C2CD5: variants seen among roughly 807,000 people sequenced by gnomAD.
C2CD5 encodes C2 domain-containing protein 5.
A neutral mutation model predicts 130.3 loss-of-function variants in C2CD5; 109 were observed. The observed-to-expected ratio is 0.84, with a 90% CI of 0.72 to 0.98. The LOEUF (loss-of-function observed/expected upper bound fraction) is 0.98, where lower values mean the gene tolerates loss of function less well. Ranked by LOEUF, C2CD5 falls within the 50% of genes least tolerant of loss-of-function variation. C2CD5 has a pLI of 0.00. For synonymous variants in C2CD5, 454 were observed against 429.2 expected, an observed-to-expected ratio of 1.06 and a Z score of -0.71; for missense variants, 996 against 1,261.8, an observed-to-expected ratio of 0.79 and a Z score of 3.19.
chr12:22,544,457 CCGTTGAG>C lies in C2CD5; in HGVS notation c.-174_-168del, dbSNP rs1416323008. 1.2e-5 allele frequency: 3 copies of C among 246,914 alleles called. No individual in the cohort carries two copies. The East Asian group carries it at 2.8e-4, about 23-fold the overall frequency. 15.3% of individuals were successfully genotyped at this position (246,914 alleles called of 1,614,324 possible). On this transcript the variant is annotated 5_prime_UTR_variant, in exon 1 of 27. An upstream open reading frame in the 5' UTR gains an earlier in-frame stop. Coordinates refer to ENST00000446597, the MANE Select transcript of C2CD5 (RefSeq NM_001286176.2). ...CGAAAAGCAAAACCCAGTCAGCATC[CCGTTGAG>C]CCTCTGCCGCCCCTGCTTGTCTCTC...
chr12:22,519,759 G>C (rs571389575), intron 7 of C2CD5, among the ~76,000 whole-genome samples: 83 of 152,174 alleles, frequency 5.5e-4, no homozygotes, highest in African/African-American at 1.5e-3. Flanking sequence ...AAGAATATGA[G>C]AGATGATGGC....
chr12:22,540,668 G>A (rs1952281541), intron 2 of C2CD5, among the ~76,000 whole-genome samples: 2 of 152,178 alleles, frequency 1.3e-5, no homozygotes, highest in Admixed American at 1.3e-4. Flanking sequence ...AGACCAGCCT[G>A]GCCAACATGG....
intron 3 of C2CD5, among the ~76,000 whole-genome samples, chr12:22,529,464 T>G (rs971476195): frequency 6.6e-6 from 1 of 152,152 alleles, no homozygotes; most frequent in Admixed American, 6.6e-5. Flanking sequence ...ATCCCTTCCC[T>G]GACATTAGGG....
intron 9 of C2CD5, among the ~76,000 whole-genome samples, chr12:22,512,250 G>T (rs750642968): frequency 1.3e-5 from 2 of 152,092 alleles, no homozygotes; most frequent in African/African-American, 2.4e-5. Flanking sequence ...AAAATAAATC[G>T]TACCAACCTC....
intron 12 of C2CD5, among the ~76,000 whole-genome samples, chr12:22,486,306 T>C (rs1945510044): frequency 6.6e-6 from 1 of 152,170 alleles, no homozygotes; most frequent in Non-Finnish European, 1.5e-5. Context: ...TCTCGTATCG[T>C]TGGTTCCTGA....
chr12:22,540,542 T>A (rs930652709), intron 2 of C2CD5, among the ~76,000 whole-genome samples: 1 of 152,214 alleles, frequency 6.6e-6, no homozygotes, highest in Non-Finnish European at 1.5e-5. Context: ...ATTATGGTCA[T>A]GAAAAAGTAC....
At chr12:22,534,087 C>T (rs6487310) in intron 3 of C2CD5, among the ~76,000 whole-genome samples, 23,949 of 152,126 alleles carry the variant, frequency 0.16, 3,793 homozygotes, top group African/African-American at 0.41. Context: ...ACTAGGGAGG[C>T]TGAGGCAGGA....
intron 2 of C2CD5, among the ~76,000 whole-genome samples, chr12:22,537,074 C>T (rs1951885826): frequency 1.3e-5 from 2 of 152,124 alleles, no homozygotes; most frequent in Non-Finnish European, 1.5e-5. Flanking sequence ...AGGGTTTTGG[C>T]TCAACTGCCA....
chr12:22,494,335 T>C (rs1406420839), intron 10 of C2CD5, among the ~76,000 whole-genome samples: 1 of 152,104 alleles, frequency 6.6e-6, no homozygotes, highest in Non-Finnish European at 1.5e-5. Flanking sequence ...AAAGCCACTA[T>C]TAAATCTAAA....
intron 2 of C2CD5, among the ~76,000 whole-genome samples, chr12:22,536,258 T>G (rs112529670): frequency 1.2e-4 from 18 of 151,572 alleles, no homozygotes; most frequent in African/African-American, 4.4e-4. Context: ...GCAGAAGAGG[T>G]TGGTTAAAGG....
At position 22,449,430 on chromosome 12, in the gene C2CD5, T is replaced by C. The variant is rs1157979203; in HGVS notation, c.*330A>G. 2 of 179,110 alleles carry C rather than the reference T, an allele frequency of 1.1e-5. No homozygotes were observed. The highest frequency in any genetic ancestry group is 4.7e-5 in the African/African-American group (2 of 42,476). 11.1% of individuals were successfully genotyped at this position (179,110 alleles called of 1,614,324 possible). A position where few individuals can be genotyped will look rare whatever the true frequency, so the allele number is the denominator to read the frequency against. On this transcript the variant is annotated 3_prime_UTR_variant, in exon 27 of 27. Coordinates refer to ENST00000446597, the MANE Select transcript of C2CD5 (RefSeq NM_001286176.2). ...AATTATACTAGAGTAGCTATCCTAA[T>C]TTCCTGACAATCTTCCCATTTCATT... is the stretch of plus-strand genomic sequence containing the variant.
intron 15 of C2CD5, among the ~76,000 whole-genome samples, chr12:22,477,794 A>T (rs1591764314): frequency 6.6e-6 from 1 of 152,196 alleles, no homozygotes; most frequent in East Asian, 1.9e-4. Flanking sequence ...TTGTAAAAAA[A>T]GAAACTGTAA....
chr12:22,515,922 T>C (rs1367352248), intron 8 of C2CD5, among the ~76,000 whole-genome samples: 2 of 152,012 alleles, frequency 1.3e-5, no homozygotes, highest in African/African-American at 4.8e-5. Flanking sequence ...CCACTATTAG[T>C]TAAATACTTG....
chr12:22,469,654 G>T, intron 22 of C2CD5, 55 bp downstream of exon 22: 1 of 1,048,736 alleles, frequency 9.5e-7, no homozygotes, highest in Non-Finnish European at 1.4e-6. Flanking sequence ...TGAAGAAGCA[G>T]TGAAAGGAAC....
intron 22 of C2CD5, among the ~76,000 whole-genome samples, chr12:22,466,546 TC>T (rs921019706): frequency 1.3e-5 from 2 of 152,148 alleles, no homozygotes; most frequent in African/African-American, 2.4e-5. Flanking sequence ...ACGCAATTAC[TC>T]CATTTTTAAG....
At chr12:22,465,641 C>G (rs2136104923) in intron 22 of C2CD5, among the ~76,000 whole-genome samples, 1 of 152,050 alleles carries the variant, frequency 6.6e-6, no homozygotes, top group East Asian at 1.9e-4. Context: ...CAGATTCCCC[C>G]CCATTTTGCT....
At chr12:22,470,599 ATT>A (rs1435853034) in intron 21 of C2CD5, among the ~76,000 whole-genome samples, 1 of 152,110 alleles carries the variant, frequency 6.6e-6, no homozygotes, top group Non-Finnish European at 1.5e-5. Flanking sequence ...AACCAGCAGC[ATT>A]CTCTATGTAA....
chr12:22,467,163 G>A (rs1262445965), intron 22 of C2CD5, among the ~76,000 whole-genome samples: 2 of 151,910 alleles, frequency 1.3e-5, no homozygotes, highest in African/African-American at 4.8e-5. Flanking sequence ...AAAGTTATTT[G>A]AAATCATTTT....
At chr12:22,524,415 CA>C in intron 6 of C2CD5, 56 bp downstream of exon 6, 1 of 1,506,006 alleles carries the variant, frequency 6.6e-7, no homozygotes. Flanking sequence ...CAAAGGAAAG[CA>C]AAAAATTTAA....
Sources: allele counts gnomAD v4.1 joint callset (sites outside exome capture counted in the v4.1 genomes callset), GRCh38; gene constraint gnomAD v4.1.1; transcripts MANE v1.5; gene names NCBI Gene and HGNC (gene_info 2026-07-23, HGNC 2026-07-21).